Variants in IMMP1L observed in about 807,000 individuals in gnomAD.
The protein encoded by IMMP1L is mitochondrial inner membrane protease subunit 1.
IMMP1L carries 24 observed loss-of-function variants against 21.8 expected under a neutral mutation model. The observed-to-expected ratio is 1.10, with a 90% CI of 0.80 to 1.55. IMMP1L has a LOEUF of 1.55. Ranked by LOEUF, IMMP1L falls within the 40% of genes most tolerant of loss-of-function variation. The probability of loss-of-function intolerance (pLI) is 0.00; values close to 1 mark genes in which losing one functional copy is unlikely to be tolerated. For missense variants in IMMP1L, 195 were observed against 200.7 expected, an observed-to-expected ratio of 0.97 and a Z score of 0.17; for synonymous variants, 46 against 62.8, an observed-to-expected ratio of 0.73 and a Z score of 1.26.
chr11:31,509,409 T>C (rs1745416244), intron 1 of IMMP1L, 110 bp downstream of exon 1: 1 of 219,214 alleles, frequency 4.6e-6, no homozygotes, highest in Admixed American at 5.0e-5. Context: ...AGAAAGGTGC[T>C]AGCAATTGCT....
At chr11:31,494,045 C>T (rs894457235) in intron 1 of IMMP1L, among the ~76,000 whole-genome samples, 7 of 152,316 alleles carry the variant, frequency 4.6e-5, no homozygotes, top group South Asian at 2.1e-4. Flanking sequence ...TCTACCATTC[C>T]GGGGTCTGGA....
At chr11:31,443,391 G>A (rs1223121) in intron 4 of IMMP1L, among the ~76,000 whole-genome samples, 98,330 of 151,980 alleles carry the variant, frequency 0.65, 33,653 homozygotes, top group African/African-American at 0.89. Context: ...TAAATAGAAG[G>A]GACTTTTAGA....
chr11:31,463,454 AATG>A, intron 1 of IMMP1L, 149 bp from the exon 2 acceptor site: 1 of 674,860 alleles, frequency 1.5e-6, no homozygotes, highest in East Asian at 3.2e-5. Flanking sequence ...TATCAGTTCT[AATG>A]ATATTTTAAA....
At position 31,463,114 on chromosome 11, in the gene IMMP1L, C is replaced by A. The variant is rs1954206735; in HGVS notation, c.105+58G>T. The stretch of plus-strand genomic sequence containing the variant: ...TTTTCAAAAGGAAAAACACACTTTC[C>A]TTCCATTTGAAAGAAAGTATATATT... On this transcript the variant is annotated intron_variant, in intron 2 of 5. Coordinates refer to ENST00000532287, the MANE Select transcript of IMMP1L (RefSeq NM_001304274.2). The A allele has an allele frequency of 6.7e-6, 9 of 1,349,544 alleles. No homozygotes were observed. In the East Asian group the frequency reaches 2.3e-4, roughly 34 times the overall value. The allele number at this position is 1,349,544 out of a possible 1,614,324, so 83.6% of individuals were successfully genotyped here.
intron 1 of IMMP1L, among the ~76,000 whole-genome samples, chr11:31,501,231 G>A (rs1397779984): frequency 2.0e-5 from 3 of 152,108 alleles, no homozygotes; most frequent in African/African-American, 7.2e-5. Context: ...TTGCTACACT[G>A]AAAAAACATA....
chr11:31,445,055 C>T (rs905226575), intron 4 of IMMP1L, among the ~76,000 whole-genome samples: 1 of 152,132 alleles, frequency 6.6e-6, no homozygotes, highest in Non-Finnish European at 1.5e-5. Context: ...AAAAAAAGCA[C>T]TTTATATTCT....
intron 4 of IMMP1L, chr11:31,452,395 T>C (rs1953786537): frequency 1.0e-6 from 1 of 985,320 alleles, no homozygotes; most frequent in Non-Finnish European, 1.2e-6. Context: ...GCCCTGGCCC[T>C]ACATTCCCTA....
At chr11:31,502,071 G>T (rs1955638093) in intron 1 of IMMP1L, among the ~76,000 whole-genome samples, 4 of 151,956 alleles carry the variant, frequency 2.6e-5, no homozygotes, top group Admixed American at 6.6e-5. Flanking sequence ...TATTTTTAAA[G>T]TCCTTCAAAG....
At chr11:31,477,404 C>T in intron 1 of IMMP1L, 4 of 303,104 alleles carry the variant, frequency 1.3e-5, no homozygotes, top group Non-Finnish European at 1.9e-5. Context: ...AATCATATAG[C>T]TTAGTTTGTA....
chr11:31,463,218 C>T lies in IMMP1L; in HGVS notation c.59G>A (p.Gly20Asp). 6.2e-7 allele frequency: 1 copy of T among 1,611,734 alleles called. No homozygotes were observed. The highest frequency in any genetic ancestry group is 8.5e-7 in the Non-Finnish European group (1 of 1,178,522). Residue 20 changes from glycine (G) to aspartate (D), a missense_variant, in exon 2 of 6, where the codon GGC (glycine) becomes GAC (aspartate). Gly to Asp is a moderately conservative substitution (Grantham distance 94). Transcript: ENST00000532287. ...TTCAAAAGCACAATGAGCTATACAGCCATATTGAATAGTATAGCCAACAAG... is the reference window on the plus strand; with the variant it reads ...TTCAAAAGCACAATGAGCTATACAGTCATATTGAATAGTATAGCCAACAAG... ...FRLVGYTIQY[G>D]CIAHCAFEYV...
chr11:31,469,107 G>A (rs1954459124), intron 1 of IMMP1L, among the ~76,000 whole-genome samples: 1 of 151,944 alleles, frequency 6.6e-6, no homozygotes, highest in South Asian at 2.1e-4. Flanking sequence ...TATCTTCTTT[G>A]AAAAATATCT....
At chr11:31,450,555 G>A (rs943891581) in intron 4 of IMMP1L, among the ~76,000 whole-genome samples, 4 of 152,140 alleles carry the variant, frequency 2.6e-5, no homozygotes, top group Non-Finnish European at 5.9e-5. Context: ...CTGCTCTCCT[G>A]GTACACCGTA....
intron 4 of IMMP1L, among the ~76,000 whole-genome samples, chr11:31,444,163 A>T (rs1050839565): frequency 1.3e-5 from 2 of 152,304 alleles, no homozygotes; most frequent in East Asian, 3.9e-4. Flanking sequence ...AAGTTATTTA[A>T]ACCTCATCAA....
At chr11:31,502,243 G>T (rs1051165382) in intron 1 of IMMP1L, among the ~76,000 whole-genome samples, 10 of 152,142 alleles carry the variant, frequency 6.6e-5, no homozygotes, top group African/African-American at 1.9e-4. Context: ...TACGAAAACA[G>T]AATTCAAAAA....
intron 1 of IMMP1L, chr11:31,473,711 G>A: frequency 1.0e-6 from 1 of 977,258 alleles, no homozygotes; most frequent in African/African-American, 1.8e-5. Flanking sequence ...TCCAATGACT[G>A]AAGTAGACTT....
chr11:31,437,691 A>G (rs1953172367), intron 4 of IMMP1L, among the ~76,000 whole-genome samples: 2 of 152,166 alleles, frequency 1.3e-5, no homozygotes, highest in African/African-American at 4.8e-5. Context: ...AACCACAACC[A>G]CAATGATACA....
At chr11:31,489,031 G>C (rs374245310) in intron 1 of IMMP1L, among the ~76,000 whole-genome samples, 36 of 151,764 alleles carry the variant, frequency 2.4e-4, no homozygotes, top group Non-Finnish European at 4.1e-4. Context: ...CGAGTAGCTG[G>C]GACTACAGGT....
At chr11:31,478,272 A>G (rs1954786965) in intron 1 of IMMP1L, among the ~76,000 whole-genome samples, 1 of 152,210 alleles carries the variant, frequency 6.6e-6, no homozygotes, top group Admixed American at 6.5e-5. Flanking sequence ...AGATTCACAT[A>G]AATTAGTTGG....
chr11:31,453,186 C>G, intron 4 of IMMP1L: 1 of 1,037,230 alleles, frequency 9.6e-7, no homozygotes, highest in Non-Finnish European at 1.3e-6. Flanking sequence ...AAAAAGAACT[C>G]TGGAAAGAAT....
Sources: allele counts gnomAD v4.1 joint callset (sites outside exome capture counted in the v4.1 genomes callset), GRCh38; gene constraint gnomAD v4.1.1; transcripts MANE v1.5; gene names NCBI Gene and HGNC (gene_info 2026-07-23, HGNC 2026-07-21).